Variants in HIPK2 observed in about 807,000 individuals in gnomAD.
HIPK2 encodes homeodomain-interacting protein kinase 2.
In HIPK2, 27 loss-of-function variants were observed where a neutral mutation model predicts 113.7. The ratio of observed to expected loss-of-function variants is 0.24; its 90% CI spans 0.17 to 0.33. The LOEUF is 0.33. Ranked by LOEUF, HIPK2 falls within the 10% of genes least tolerant of loss-of-function variation. The probability of loss-of-function intolerance (pLI) is 1.00; values close to 1 mark genes in which losing one functional copy is unlikely to be tolerated. For synonymous variants in HIPK2, 631 were observed against 642.2 expected (o/e 0.98, Z 0.26); for missense variants, 1,257 against 1,588.0 (o/e 0.79, Z 3.54).
At chr7:139,773,436 G>A (rs763335784) in intron 1 of HIPK2, among the ~76,000 whole-genome samples, 3 of 152,074 alleles carry the variant, frequency 2.0e-5, no homozygotes, top group Non-Finnish European at 2.9e-5. Flanking sequence ...TCTGAAGCCC[G>A]TCTTTGACAC....
In HIPK2 at chr7:139,564,205, A is replaced by G; in HGVS notation, c.*8722T>C. On this transcript the variant is annotated 3_prime_UTR_variant, in exon 15 of 15. Transcript: ENST00000406875. Reference sequence around the variant, plus strand: ...ACATTGATTTTGCTTTTAAGGGGAAAACGAATAAATGACAGCAGATATATG... The same window carrying G: ...ACATTGATTTTGCTTTTAAGGGGAAGACGAATAAATGACAGCAGATATATG... 1 of 354,806 alleles carries G rather than the reference A, an allele frequency of 2.8e-6. No individual in the cohort carries two copies. Among genetic ancestry groups the G allele is most frequent in the Non-Finnish European group, 5.0e-6 (1 of 199,464 alleles). 22.0% of individuals were successfully genotyped at this position (354,806 alleles called of 1,614,324 possible).
chr7:139,719,635 A>G (rs1795349620), intron 1 of HIPK2, among the ~76,000 whole-genome samples: 1 of 152,160 alleles, frequency 6.6e-6, no homozygotes, highest in Non-Finnish European at 1.5e-5. Context: ...AAATCTAGCC[A>G]TCTCACCCTC....
Position 139,565,787 on chromosome 7 carries a change from A to T in HIPK2, c.*7140T>A, listed in dbSNP as rs1307124283. ...CCAGACCCACATATGGTATTTACAAATTTGGTGTGAACCCTGCCTCTGGTT... is the reference window on the plus strand; with the variant it reads ...CCAGACCCACATATGGTATTTACAATTTTGGTGTGAACCCTGCCTCTGGTT... On this transcript the variant is annotated 3_prime_UTR_variant, in exon 15 of 15. Transcript: ENST00000406875. 2 of 151,486 alleles carry T rather than the reference A, an allele frequency of 1.3e-5. No homozygotes were observed. Among genetic ancestry groups the T allele is most frequent in the African/African-American group, 4.9e-5 (2 of 41,186 alleles). 9.4% of individuals were successfully genotyped at this position (151,486 alleles called of 1,614,324 possible).
In HIPK2 at chr7:139,658,756, G is replaced by A. The variant is rs146764137; in HGVS notation, c.1104-27031C>T. On this transcript the variant is annotated intron_variant, in intron 2 of 14. Coordinates refer to ENST00000406875, the MANE Select transcript of HIPK2 (RefSeq NM_022740.5). Reference sequence around the variant, plus strand: ...TTCTGAGTGCCCTTTTATTACAACTGCTTTCTGCCATCTCCTTCAGGCAAA... The same window carrying A: ...TTCTGAGTGCCCTTTTATTACAACTACTTTCTGCCATCTCCTTCAGGCAAA... Among the ~76,000 whole-genome samples the A allele has an allele frequency of 7.7e-3, 1,172 of 152,274 alleles. 30 individuals carry two copies. Among genetic ancestry groups the A allele is most frequent in the Admixed American group, 0.059 (908 of 15,290 alleles).
intron 1 of HIPK2, among the ~76,000 whole-genome samples, chr7:139,723,804 G>C (rs1168536495): frequency 1.3e-5 from 2 of 152,158 alleles, no homozygotes; most frequent in African/African-American, 4.8e-5. Context: ...CTAAAATAGT[G>C]GCACCAATTT....
intron 2 of HIPK2, among the ~76,000 whole-genome samples, chr7:139,698,749 G>A (rs1169845239): frequency 2.6e-5 from 4 of 151,852 alleles, no homozygotes; most frequent in Non-Finnish European, 4.4e-5. Context: ...CACCCACCCC[G>A]CCACCATCAA....
At chr7:139,701,976 G>A (rs960347354) in intron 2 of HIPK2, among the ~76,000 whole-genome samples, 3 of 152,118 alleles carry the variant, frequency 2.0e-5, no homozygotes, top group African/African-American at 7.2e-5. Context: ...GTAGGACTTC[G>A]AATCCCAGAG....
chr7:139,654,383 C>T (rs1227655848), intron 2 of HIPK2, among the ~76,000 whole-genome samples: 1 of 152,048 alleles, frequency 6.6e-6, no homozygotes, highest in Non-Finnish European at 1.5e-5. Context: ...TGTGGTGGTG[C>T]ACACCTATAG....
In HIPK2 at chr7:139,715,149, T is replaced by A. The variant is rs543114484; in HGVS notation, c.1103+783A>T. Among the ~76,000 whole-genome samples, 279 of 152,290 alleles carry A rather than the reference T, an allele frequency of 1.8e-3. 1 individual carries two copies. Among genetic ancestry groups the A allele is most frequent in the African/African-American group, 6.5e-3 (269 of 41,560 alleles). On this transcript the variant is annotated intron_variant, in intron 2 of 14. Coordinates refer to ENST00000406875, the MANE Select transcript of HIPK2 (RefSeq NM_022740.5). ...CAGGATGGCAAGGGCCCTGTCTATA[T>A]CCCTATACCTAGCACTGCGGCTGGC...
intron 2 of HIPK2, among the ~76,000 whole-genome samples, chr7:139,661,866 A>ACAGCC (rs748041482): frequency 1.3e-5 from 2 of 152,184 alleles, no homozygotes. Flanking sequence ...AACCCTTTTG[A>ACAGCC]CAGCCACCTG....
intron 9 of HIPK2, among the ~76,000 whole-genome samples, chr7:139,612,420 C>T (rs1448816085): frequency 1.3e-5 from 2 of 152,144 alleles, no homozygotes; most frequent in Non-Finnish European, 2.9e-5. Flanking sequence ...ATGCTGGCAT[C>T]AGACTTACTG....
intron 9 of HIPK2, among the ~76,000 whole-genome samples, chr7:139,608,234 C>T (rs1427129770): frequency 7.0e-6 from 1 of 142,912 alleles, no homozygotes; most frequent in Non-Finnish European, 1.5e-5. Flanking sequence ...CAGAGCAAGG[C>T]TATGTCTCAA....
Position 139,714,368 on chromosome 7 carries a change from G to C in HIPK2, c.1103+1564C>G, listed in dbSNP as rs1013692194. ...GGGGTGGAAGGTGGGAGGGCATCTG[G>C]GGATCCGAACGGAGGGGCTGTTGCT... On this transcript the variant is annotated intron_variant, in intron 2 of 14. Coordinates refer to ENST00000406875, the MANE Select transcript of HIPK2 (RefSeq NM_022740.5). This position sits in a 1 kb window ranked among gnomAD's most constrained non-coding sequence, Gnocchi z 4.2. Among the ~76,000 whole-genome samples the C allele has an allele frequency of 2.0e-5, 3 of 152,212 alleles. No individual in the cohort carries two copies. The highest frequency in any genetic ancestry group is 4.4e-5 in the Non-Finnish European group (3 of 68,038).
chr7:139,705,844 A>G (rs1265643681), intron 2 of HIPK2, among the ~76,000 whole-genome samples: 3 of 151,618 alleles, frequency 2.0e-5, no homozygotes, highest in Non-Finnish European at 4.4e-5. Flanking sequence ...AAAAAAAAAA[A>G]GAGCAGCTAA....
chr7:139,658,427 A>T (rs1026664018), intron 2 of HIPK2, among the ~76,000 whole-genome samples: 1 of 152,270 alleles, frequency 6.6e-6, no homozygotes, highest in Non-Finnish European at 1.5e-5. Context: ...TGTATGCTAC[A>T]CAAATGGCCA....
intron 2 of HIPK2, among the ~76,000 whole-genome samples, chr7:139,708,990 T>C (rs1168123123): frequency 6.6e-6 from 1 of 152,230 alleles, no homozygotes; most frequent in Non-Finnish European, 1.5e-5. Flanking sequence ...AGTTCAGTTA[T>C]TTCATACTTA....
At chr7:139,762,092 G>A (rs918293622) in intron 1 of HIPK2, among the ~76,000 whole-genome samples, 3 of 152,220 alleles carry the variant, frequency 2.0e-5, no homozygotes, top group Admixed American at 6.5e-5. Context: ...GTAATCTACA[G>A]AAGGTCATCT....
At chr7:139,672,657 G>A (rs1442566872) in intron 2 of HIPK2, among the ~76,000 whole-genome samples, 3 of 151,966 alleles carry the variant, frequency 2.0e-5, no homozygotes, top group African/African-American at 7.3e-5. Context: ...ATGGGGTTTC[G>A]CCATGTTGGC....
At chr7:139,588,863 G>A (rs1798924887) in intron 12 of HIPK2, among the ~76,000 whole-genome samples, 1 of 152,236 alleles carries the variant, frequency 6.6e-6, no homozygotes, top group Non-Finnish European at 1.5e-5. Flanking sequence ...AGGGCCAGGG[G>A]AAGAGCTGGG....
Sources: gnomAD v4.1 joint callset for allele counts (sites outside exome capture counted in the v4.1 genomes callset) on GRCh38, gnomAD v4.1.1 for gene constraint, Gnocchi (gnomAD v3.1) non-coding constraint, MANE v1.5 for transcripts, NCBI Gene and HGNC (gene_info 2026-07-23, HGNC 2026-07-21) for gene names.